RASSF4: variants seen among roughly 807,000 people sequenced by gnomAD.
RASSF4 encodes the protein ras association domain-containing protein 4.
RASSF4 carries 38 observed loss-of-function variants against 41.1 expected under a neutral mutation model. The ratio of observed to expected loss-of-function variants is 0.92; its 90% confidence interval spans 0.71 to 1.21. The LOEUF (loss-of-function observed/expected upper bound fraction) is 1.21. RASSF4 is among the 50% of genes most tolerant of loss of function. The probability of loss-of-function intolerance (pLI) is 0.00; values close to 1 mark genes in which losing one functional copy is unlikely to be tolerated. For synonymous variants in RASSF4, 179 were observed against 163.4 expected, an observed-to-expected ratio of 1.10 and a Z score of -0.73; for missense variants, 414 against 419.4, an observed-to-expected ratio of 0.99 and a Z score of 0.11.
chr10:44,960,592 C>G (rs1840673287), intron 1 of RASSF4, among the ~76,000 whole-genome samples: 1 of 152,228 alleles, frequency 6.6e-6, no homozygotes, highest in Non-Finnish European at 1.5e-5. Flanking sequence ...CAAAACATGC[C>G]TCAGTGTTTT....
At chr10:44,975,864 C>T (rs373677781) in intron 3 of RASSF4, among the ~76,000 whole-genome samples, 31 of 152,086 alleles carry the variant, frequency 2.0e-4, no homozygotes, top group African/African-American at 7.5e-4. Flanking sequence ...GAGGTGGCTT[C>T]TGAGCATAGG....
At chr10:44,977,326 C>A (rs1027927259) in intron 3 of RASSF4, 16 of 1,505,950 alleles carry the variant, frequency 1.1e-5, no homozygotes, top group Non-Finnish European at 1.3e-5. Context: ...CAGTGACCAC[C>A]ATGGAGGAGA....
Position 44,991,071 on chromosome 10 carries a change from T to C in RASSF4, c.807+2T>C, listed in dbSNP as rs755944818. ...TTGGGCGTGGAAGTCCCCCATGAAG[T>C]GAGTGGGGGCCAAGGCTGGGGAGGC... On this transcript the variant is annotated splice_donor_variant, in intron 9 of 10. Coordinates refer to ENST00000340258, the MANE Select transcript of RASSF4 (RefSeq NM_032023.4). LOFTEE classifies it high-confidence loss of function. The C allele has an allele frequency of 1.9e-6, 3 of 1,610,208 alleles. No individual in the cohort carries two copies. The highest frequency in any genetic ancestry group is 2.5e-6 in the Non-Finnish European group (3 of 1,177,500).
chr10:44,989,546 G>C (rs1842035056), intron 7 of RASSF4, 124 bp from the exon 8 acceptor site: 1 of 1,005,314 alleles, frequency 9.9e-7, no homozygotes, highest in Non-Finnish European at 1.6e-6. Flanking sequence ...AGGAGGTTGG[G>C]AGAGGACAGG....
intron 10 of RASSF4, among the ~76,000 whole-genome samples, chr10:44,992,320 G>A (rs1410482837): frequency 6.6e-6 from 1 of 152,268 alleles, no homozygotes; most frequent in Admixed American, 6.5e-5. Context: ...TGGGCGCTGG[G>A]TCAAGCTTCT....
intron 1 of RASSF4, among the ~76,000 whole-genome samples, chr10:44,969,602 T>G (rs1841061655): frequency 1.3e-5 from 2 of 152,346 alleles, no homozygotes; most frequent in East Asian, 1.9e-4. Context: ...CCCTGTCTTC[T>G]CATCTGTAAA....
chr10:44,990,232 T>C (rs752221150), intron 8 of RASSF4, among the ~76,000 whole-genome samples: 1 of 152,206 alleles, frequency 6.6e-6, no homozygotes, highest in African/African-American at 2.4e-5. Flanking sequence ...TGAATGACAC[T>C]GTAGGGGAGG....
rs200886791 is a variant in RASSF4 at position 44,991,908 on chromosome 10, G to T, written c.811G>T (p.Ala271Ser). 18 of 1,604,516 alleles carry T rather than the reference G, an allele frequency of 1.1e-5. No homozygotes were observed. The East Asian group carries it at 4.0e-4, about 36-fold the overall frequency. Reference sequence around the variant, plus strand: ...AAAATGTTCTTGGATTTTCTAGGTCGCTCAGTACATTAAGTTTGAAATGCC... The same window carrying T: ...AAAATGTTCTTGGATTTTCTAGGTCTCTCAGTACATTAAGTTTGAAATGCC... ...DLGVEVPHEV[A>S]QYIKFEMPVL... Residue 271 changes from alanine (A) to serine (S), a missense_variant, in exon 10 of 11, where the codon GCT becomes TCT. Transcript: ENST00000340258.
Position 44,993,491 on chromosome 10 carries a change from C to T in RASSF4, c.*162C>T. On this transcript the variant is annotated 3_prime_UTR_variant, in exon 11 of 11. Coordinates refer to ENST00000340258, the MANE Select transcript of RASSF4 (RefSeq NM_032023.4). ...AGCCTGAGCACCATGATTCCCACAG[C>T]CAGCTCTTGGCTCCAAGATGAGCAC... 1 of 629,064 alleles carries T rather than the reference C, an allele frequency of 1.6e-6. No homozygotes were observed. The highest frequency in any genetic ancestry group is 1.9e-5 in the South Asian group (1 of 53,426). The allele number at this position is 629,064 out of a possible 1,614,324, so 39.0% of individuals were successfully genotyped here.
At position 44,978,711 on chromosome 10, in the gene RASSF4, G is replaced by C. The variant is rs796136813; in HGVS notation, c.139-3810G>C. On this transcript the variant is annotated intron_variant, in intron 3 of 10. Transcript: ENST00000340258. ...CCCTGGGAAGCTTGGGGGCCGAAGG[G>C]TGGAGGGTCCGGCAGGGGGTCCAGC... 1.4e-4 allele frequency: 22 copies of C among 152,736 alleles called. 1 individual carries two copies. Among genetic ancestry groups the C allele is most frequent in the African/African-American group, 4.8e-4 (20 of 41,592 alleles). 9.5% of individuals were successfully genotyped at this position (152,736 alleles called of 1,614,324 possible).
At chr10:44,993,043 TGC>T (rs1842176560) in intron 10 of RASSF4, among the ~76,000 whole-genome samples, 1 of 152,194 alleles carries the variant, frequency 6.6e-6, no homozygotes, top group African/African-American at 2.4e-5. Context: ...TATTAGAGTC[TGC>T]AATAGAAATG....
chr10:44,983,174 C>A (rs972148774), intron 4 of RASSF4: 7 of 352,208 alleles, frequency 2.0e-5, no homozygotes, highest in African/African-American at 1.5e-4. Context: ...TTTATCTCCT[C>A]CTCGGCCCAC....
chr10:44,984,119 C>G lies in RASSF4; in HGVS notation c.373+6C>G. The G allele has an allele frequency of 6.3e-7, 1 of 1,591,496 alleles. No homozygotes were observed. Among genetic ancestry groups the G allele is most frequent in the Non-Finnish European group, 8.6e-7 (1 of 1,169,228 alleles). On this transcript the variant is annotated splice_donor_region_variant and intron_variant, in intron 5 of 10. Coordinates refer to ENST00000340258, the MANE Select transcript of RASSF4 (RefSeq NM_032023.4). The stretch of plus-strand genomic sequence containing the variant: ...GAGTTCCACAGACAGCTCGGGTAAG[C>G]GGAGCCCGCAAGCTGCCCAGACCCC...
rs369063584 is a variant in RASSF4 at position 44,971,764 on chromosome 10, C to T, written c.63-9C>T. On this transcript the variant is annotated splice_polypyrimidine_tract_variant and intron_variant, in intron 2 of 10. Transcript: ENST00000340258. The stretch of plus-strand genomic sequence containing the variant: ...CCCTAGGAGTACATGTGTGTCTTTC[C>T]CTTTTTAGGTCGGAGCTCTTAGGCC... The T allele has an allele frequency of 1.9e-6, 3 of 1,612,920 alleles. No homozygotes were observed. Among genetic ancestry groups the T allele is most frequent in the Admixed American group, 1.7e-5 (1 of 60,028 alleles).
chr10:44,989,282 G>C lies in RASSF4; in HGVS notation c.540G>C (p.Val180=). The C allele has an allele frequency of 1.2e-6, 2 of 1,612,388 alleles. No individual in the cohort carries two copies. Residue 180 remains valine (V), a synonymous_variant, in exon 7 of 11, where the codon GTG becomes GTC. Coordinates refer to ENST00000340258, the MANE Select transcript of RASSF4 (RefSeq NM_032023.4). ...NGHFYNHKTS[V]FTPAYGSVTN... is the part of the protein sequence containing the mutation. ...CTCCCTTCCTGGTACAGACCTCCGT[G>C]TTTACTCCAGCCTATGGATCCGTGA... is the stretch of plus-strand genomic sequence containing the variant.
chr10:44,968,747 C>T (rs1241340021), intron 1 of RASSF4, among the ~76,000 whole-genome samples: 1 of 152,146 alleles, frequency 6.6e-6, no homozygotes, highest in Non-Finnish European at 1.5e-5. Context: ...AGCCCCCCGC[C>T]CCCCGTGGCA....
In RASSF4 at chr10:44,982,583, C is replaced by T. The variant is rs772839000; in HGVS notation, c.201C>T (p.Ile67=). 7 of 1,612,694 alleles carry T rather than the reference C, an allele frequency of 4.3e-6. No homozygotes were observed. Among genetic ancestry groups the T allele is most frequent in the South Asian group, 3.3e-5 (3 of 90,956 alleles). The stretch of plus-strand genomic sequence containing the variant: ...TTGCCTGGGGGCTGAGGCGGCCCAT[C>T]CGGCTGCAGATGCAGGATGACCGGG... The part of the protein sequence containing the change: ...LNIAWGLRRP[I]RLQMQDDREQ... The change falls in exon 4 of 11, where the codon ATC becomes ATT. Residue 67 remains isoleucine (I), a synonymous_variant. Transcript: ENST00000340258.
chr10:44,970,506 C>G, intron 2 of RASSF4: 1 of 550,234 alleles, frequency 1.8e-6, no homozygotes. Flanking sequence ...GCACTTTATA[C>G]GAAATAGGTG....
At chr10:44,971,544 G>A (rs1564454164) in intron 2 of RASSF4, 1 of 670,264 alleles carries the variant, frequency 1.5e-6, no homozygotes, top group East Asian at 2.9e-5. Context: ...TGTCCCGTGA[G>A]TCTCGCCTCC....
Sources: allele counts gnomAD v4.1 joint callset (sites outside exome capture counted in the v4.1 genomes callset), GRCh38; gene constraint gnomAD v4.1.1; transcripts MANE v1.5; gene names NCBI Gene and HGNC (gene_info 2026-07-23, HGNC 2026-07-21).